Variants in GTF3C1 observed in about 807,000 individuals in gnomAD.
GTF3C1 encodes the protein general transcription factor IIIC subunit 1.
GTF3C1 carries 57 observed loss-of-function variants against 226.7 expected under a neutral mutation model. That is an observed-to-expected ratio of 0.25 (90% CI 0.20 to 0.31). GTF3C1 has a LOEUF of 0.31. Among genes scored for constraint, GTF3C1 ranks in the 10% least tolerant of loss-of-function variants. The pLI is 1.00. For synonymous variants in GTF3C1, 1,090 were observed against 1,084.8 expected (o/e 1.00, Z -0.09); for missense variants, 2,217 against 2,776.1 (o/e 0.80, Z 4.53).
chr16:27,544,753 G>C (rs62029082), intron 2 of GTF3C1, among the ~76,000 whole-genome samples: 1 of 152,136 alleles, frequency 6.6e-6, no homozygotes, highest in Non-Finnish European at 1.5e-5. Context: ...ACAGGGCCCA[G>C]GTAGGAAGAG....
intron 32 of GTF3C1, chr16:27,465,836 A>C: frequency 2.4e-6 from 1 of 414,788 alleles, no homozygotes; most frequent in Admixed American, 3.6e-5. Flanking sequence ...CCGAGGACTG[A>C]GGTTCGAGAA....
chr16:27,542,973 G>A (rs1567417606), intron 2 of GTF3C1, among the ~76,000 whole-genome samples: 1 of 152,230 alleles, frequency 6.6e-6, no homozygotes, highest in East Asian at 1.9e-4. Context: ...ACAGAAGGCA[G>A]GTTTGGGTTG....
At chr16:27,530,000 T>G (rs2088891553) in intron 5 of GTF3C1, among the ~76,000 whole-genome samples, 1 of 152,250 alleles carries the variant, frequency 6.6e-6, no homozygotes, top group Non-Finnish European at 1.5e-5. Flanking sequence ...TCCTGGGCAC[T>G]GCTGCCATGT....
chr16:27,533,092 A>T (rs1214926241), intron 5 of GTF3C1, among the ~76,000 whole-genome samples, 199 bp downstream of exon 5: 10 of 152,192 alleles, frequency 6.6e-5, no homozygotes, highest in African/African-American at 1.9e-4. Flanking sequence ...CTGTCGCACC[A>T]CCGCACCCCA....
chr16:27,482,333 C>T (rs553748447), intron 26 of GTF3C1, among the ~76,000 whole-genome samples: 1 of 152,234 alleles, frequency 6.6e-6, no homozygotes, highest in South Asian at 2.1e-4. Flanking sequence ...CCCTCAACTG[C>T]TTGGCATTTG....
At chr16:27,488,961 G>A (rs990388093) in intron 21 of GTF3C1, 82 bp downstream of exon 21, 1 of 1,286,568 alleles carries the variant, frequency 7.8e-7, no homozygotes. Context: ...GCCAGTATTT[G>A]TGTCTCTGGT....
rs997940976 is a variant in GTF3C1, at chr16:27,492,565, G to C, written c.2974-50C>G. On this transcript the variant is annotated intron_variant, in intron 18 of 36. Coordinates refer to ENST00000356183, the MANE Select transcript of GTF3C1 (RefSeq NM_001520.4). The surrounding 1 kb of genome is among the most constrained non-coding windows in gnomAD (Gnocchi z 5.0). ...GAACCCACATTGGGTCTGGCTGCTTGGAGACCGTTTAACAATCAGAATTTC... is the reference window on the plus strand; with the variant it reads ...GAACCCACATTGGGTCTGGCTGCTTCGAGACCGTTTAACAATCAGAATTTC... The C allele has an allele frequency of 6.5e-7, 1 of 1,540,948 alleles. No homozygotes were observed. The highest frequency in any genetic ancestry group is 9.0e-7 in the Non-Finnish European group (1 of 1,113,394).
chr16:27,548,987 C>T (rs560414978), intron 1 of GTF3C1, among the ~76,000 whole-genome samples: 3 of 152,132 alleles, frequency 2.0e-5, no homozygotes, highest in African/African-American at 2.4e-5. Context: ...CACCCCATAC[C>T]TACTAAAAAT....
At chr16:27,482,843 C>A (rs1400863738) in intron 26 of GTF3C1, among the ~76,000 whole-genome samples, 2 of 152,244 alleles carry the variant, frequency 1.3e-5, no homozygotes, top group Non-Finnish European at 2.9e-5. Context: ...AGATTCTAAT[C>A]ATCTTTAAAA....
At chr16:27,526,785 G>A (rs1293824498) in intron 6 of GTF3C1, among the ~76,000 whole-genome samples, 1 of 152,256 alleles carries the variant, frequency 6.6e-6, no homozygotes, top group Non-Finnish European at 1.5e-5. Flanking sequence ...CTATGGTGAA[G>A]TTTGGGTGGA....
intron 1 of GTF3C1, 71 bp from the exon 2 acceptor site, chr16:27,545,594 T>G (rs2089151182): frequency 1.2e-6 from 1 of 860,532 alleles, no homozygotes; most frequent in African/African-American, 1.7e-5. Context: ...CTGTGTTCTT[T>G]TGACAACCTC....
At chr16:27,497,212 A>G (rs2088332795) in intron 14 of GTF3C1, among the ~76,000 whole-genome samples, 1 of 152,176 alleles carries the variant, frequency 6.6e-6, no homozygotes, top group Admixed American at 6.5e-5. Context: ...GGATGAGGGA[A>G]CCCATCAGTG....
rs1027018532 is a variant in GTF3C1, at chr16:27,535,750, G to A, written c.752+2034C>T. On this transcript the variant is annotated intron_variant, in intron 4 of 36. Coordinates refer to ENST00000356183, the MANE Select transcript of GTF3C1 (RefSeq NM_001520.4). ...CCTCAAAACACAAAATTAGCTGGGC[G>A]CGGTGGTGCATCGCTTGAGCCCTGG... 7.9e-5 allele frequency among the ~76,000 whole-genome samples: 12 copies of A among 152,150 alleles called. No homozygotes were observed. The South Asian group carries it at 1.7e-3, about 21-fold the overall frequency.
In GTF3C1 at chr16:27,545,403, G is replaced by A. The variant is rs1040999087; in HGVS notation, c.342C>T (p.Cys114=). 11 of 1,613,226 alleles carry A rather than the reference G, an allele frequency of 6.8e-6. No homozygotes were observed. The highest frequency in any genetic ancestry group is 2.2e-5 in the East Asian group (1 of 44,886). Reference sequence around the variant, plus strand: ...TGTTTTTCCTCTCCTTAAAGTAGCGGCATGAGCCCTGGATGCCATCCTTAT... The same window carrying A: ...TGTTTTTCCTCTCCTTAAAGTAGCGACATGAGCCCTGGATGCCATCCTTAT... The part of the protein sequence containing the change: ...LENKDGIQGS[C]RYFKERKNIT... The change falls in exon 2 of 37, where the codon TGC becomes TGT. Residue 114 remains cysteine, a synonymous_variant. Coordinates refer to ENST00000356183, the MANE Select transcript of GTF3C1 (RefSeq NM_001520.4).
intron 6 of GTF3C1, among the ~76,000 whole-genome samples, chr16:27,517,959 C>T (rs552759558): frequency 3.9e-5 from 6 of 152,258 alleles, no homozygotes; most frequent in African/African-American, 1.2e-4. Context: ...AGCTGTGAGG[C>T]GGAACCAAGA....
In GTF3C1 at chr16:27,470,355, A is replaced by C. The variant is rs376677585; in HGVS notation, c.4567T>G (p.Ser1523Ala). 4 of 1,613,912 alleles carry C rather than the reference A, an allele frequency of 2.5e-6. No homozygotes were observed. The African/African-American group carries it at 5.3e-5, about 22-fold the overall frequency. ...CGCATTCTGTCCAAAAACTGGAATG[A>C]CTCCGTGCAGATGGTGCTTGGAAAT... is the stretch of plus-strand genomic sequence containing the variant. The part of the protein sequence containing the change: ...WRFPSTICTE[S>A]FQFLDRMRAA... Residue 1523 changes from serine to alanine, a missense_variant, in exon 31 of 37, where the codon TCA (serine) becomes GCA (alanine). This residue lies in a region of GTF3C1 where 546 missense variants were observed against 663.0 expected (regional missense o/e 0.82). Transcript: ENST00000356183. The surrounding 1 kb of genome is among the most constrained non-coding windows in gnomAD (Gnocchi z 4.9).
Position 27,470,988 on chromosome 16 carries a change from T to A in GTF3C1, c.4527-593A>T, listed in dbSNP as rs2087858609. Among the ~76,000 whole-genome samples the A allele has an allele frequency of 6.6e-6, 1 of 152,246 alleles. No homozygotes were observed. On this transcript the variant is annotated intron_variant, in intron 30 of 36. Coordinates refer to ENST00000356183, the MANE Select transcript of GTF3C1 (RefSeq NM_001520.4). The surrounding 1 kb of genome is among the most constrained non-coding windows in gnomAD (Gnocchi z 4.9). ...TGGCCTTGTTGGATTTGGGCACGTA[T>A]CTTCTGCTGCCACACCTACTTCCCA...
chr16:27,542,804 A>G (rs906045229), intron 2 of GTF3C1, among the ~76,000 whole-genome samples: 1 of 152,134 alleles, frequency 6.6e-6, no homozygotes, highest in Non-Finnish European at 1.5e-5. Context: ...CGGACCTTCC[A>G]CCATGCTATA....
intron 6 of GTF3C1, among the ~76,000 whole-genome samples, chr16:27,522,835 G>A (rs2088770207): frequency 1.3e-5 from 2 of 152,152 alleles, no homozygotes; most frequent in South Asian, 4.1e-4. Flanking sequence ...ATATTTCTAA[G>A]TTATTGTGAA....
Sources: gnomAD v4.1 joint callset for allele counts (sites outside exome capture counted in the v4.1 genomes callset) on GRCh38, gnomAD v4.1.1 for gene constraint, gnomAD v4.1.1 regional missense constraint, Gnocchi (gnomAD v3.1) non-coding constraint, MANE v1.5 for transcripts, NCBI Gene and HGNC (gene_info 2026-07-23, HGNC 2026-07-21) for gene names.